Variants in EXTL3 observed in about 807,000 individuals in gnomAD.
The protein encoded by EXTL3 is exostosin-like 3.
In EXTL3, 27 loss-of-function variants were observed where a neutral mutation model predicts 69.3. The observed-to-expected ratio is 0.39, with a 90% CI of 0.29 to 0.54. EXTL3 has a LOEUF of 0.54. Ranked by LOEUF, EXTL3 falls within the 20% of genes least tolerant of loss-of-function variation. EXTL3 has a pLI of 0.69. For synonymous variants in EXTL3, 511 were observed against 499.4 expected (o/e 1.02, Z -0.31); for missense variants, 1,003 against 1,231.8 (o/e 0.81, Z 2.78).
chr8:28,691,660 G>A (rs1800618684), intron 1 of EXTL3, among the ~76,000 whole-genome samples: 1 of 150,710 alleles, frequency 6.6e-6, no homozygotes, highest in Admixed American at 6.6e-5. Context: ...CACTTTGGGA[G>A]GCTGAGGTGG....
At chr8:28,690,695 C>T (rs925772870) in intron 1 of EXTL3, among the ~76,000 whole-genome samples, 2 of 152,158 alleles carry the variant, frequency 1.3e-5, no homozygotes, top group Admixed American at 1.3e-4. Context: ...GCCTCAGTCC[C>T]TCACCTGGGC....
upstream of EXTL3, among the ~76,000 whole-genome samples, chr8:28,619,396 GTT>G (rs1806377023): frequency 6.9e-6 from 1 of 145,454 alleles, no homozygotes; most frequent in Non-Finnish European, 1.5e-5. Flanking sequence ...AAAGAAGGGT[GTT>G]TTCCTCCCGC....
chr8:28,731,459 TAGTC>T (rs1801536641), intron 4 of EXTL3, 109 bp downstream of exon 4: 3 of 1,156,252 alleles, frequency 2.6e-6, no homozygotes, highest in South Asian at 1.3e-5. Context: ...CCCTTGCAGA[TAGTC>T]AGGGCTGATG....
Position 28,717,701 on chromosome 8 carries a change from G to A in EXTL3, c.1642G>A (p.Glu548Lys). 8.7e-6 allele frequency: 14 copies of A among 1,614,260 alleles called. No individual in the cohort carries two copies. Among genetic ancestry groups the A allele is most frequent in the Non-Finnish European group, 1.2e-5 (14 of 1,180,048 alleles). ...GATCCCAGCCGCTCCCATCCGGGAA[G>A]AGGCGGCAGCTGAGATCCCCCACCG... ...IQIPAAPIREEAAAEIPHRSG... is the reference protein window; with the variant it reads ...IQIPAAPIREKAAAEIPHRSG... Residue 548 changes from glutamate to lysine, a missense_variant, in exon 3 of 7, where the codon GAG (glutamate) becomes AAG (lysine). By Grantham distance (56) the Glu-to-Lys change is moderately conservative. This residue lies in a region of EXTL3 where 742 missense variants were observed against 815.4 expected (regional missense o/e 0.91). Coordinates refer to ENST00000220562, the MANE Select transcript of EXTL3 (RefSeq NM_001440.4). The surrounding 1 kb of genome is among the most constrained non-coding windows in gnomAD (Gnocchi z 8.3).
intron 1 of EXTL3, among the ~76,000 whole-genome samples, chr8:28,667,044 C>A (rs1273379500): frequency 6.6e-6 from 1 of 152,208 alleles, no homozygotes; most frequent in Non-Finnish European, 1.5e-5. Flanking sequence ...AGTCTGTTGA[C>A]CCAGACACCA....
At chr8:28,704,320 A>T (rs2237816) in intron 1 of EXTL3, among the ~76,000 whole-genome samples, 1 of 152,240 alleles carries the variant, frequency 6.6e-6, no homozygotes, top group African/African-American at 2.4e-5. Flanking sequence ...CATCATATAC[A>T]TAATATATAA....
At chr8:28,658,203 TGGGG>T (rs11344325) in intron 1 of EXTL3, among the ~76,000 whole-genome samples, 2 of 151,702 alleles carry the variant, frequency 1.3e-5, no homozygotes, top group Non-Finnish European at 2.9e-5. Context: ...GGACGGTGGG[TGGGG>T]GGGGTCCCTC....
At chr8:28,747,352 G>A (rs1244323240) in intron 6 of EXTL3, among the ~76,000 whole-genome samples, 2 of 152,180 alleles carry the variant, frequency 1.3e-5, no homozygotes, top group Non-Finnish European at 2.9e-5. Flanking sequence ...GGGGACCTGT[G>A]GAGGTCATGA....
chr8:28,742,998 C>T lies in EXTL3; in HGVS notation c.2422-88C>T, dbSNP rs932278552. On this transcript the variant is annotated intron_variant, in intron 5 of 6. Transcript: ENST00000220562. ...CCTCCTAGTTACTGCCACACCCAAACAGCCCCTCCATCCATGCATATTTTG... is the reference window on the plus strand; with the variant it reads ...CCTCCTAGTTACTGCCACACCCAAATAGCCCCTCCATCCATGCATATTTTG... The T allele has an allele frequency of 3.4e-6, 5 of 1,467,196 alleles. No individual in the cohort carries two copies. The African/African-American group carries it at 5.5e-5, about 16-fold the overall frequency. The allele number at this position is 1,467,196 out of a possible 1,614,324, so 90.9% of individuals were successfully genotyped here.
intron 1 of EXTL3, among the ~76,000 whole-genome samples, chr8:28,710,823 C>G (rs1173850611): frequency 6.6e-6 from 1 of 151,826 alleles, no homozygotes; most frequent in Non-Finnish European, 1.5e-5. Flanking sequence ...AGGCATGAGC[C>G]GCAGCGCCTG....
chr8:28,645,277 T>C (rs1806810166), intron 1 of EXTL3, among the ~76,000 whole-genome samples: 1 of 152,250 alleles, frequency 6.6e-6, no homozygotes, highest in Non-Finnish European at 1.5e-5. Context: ...CCAGCAAGTC[T>C]ACTTCTGGAA....
At chr8:28,740,081 G>A (rs1302417385) in intron 5 of EXTL3, 1 of 152,118 alleles carries the variant, frequency 6.6e-6, no homozygotes, top group Non-Finnish European at 1.5e-5. Flanking sequence ...AGAGATTTTT[G>A]GGCCCTCTAG....
At chr8:28,755,805 T>C (rs961863947), downstream of EXTL3, among the ~76,000 whole-genome samples, 8 of 152,188 alleles carry the variant, frequency 5.3e-5, no homozygotes, top group African/African-American at 1.4e-4. Context: ...ATGTTAGCAT[T>C]GAAACTACTT....
chr8:28,654,187 G>A (rs1429946007), intron 1 of EXTL3, among the ~76,000 whole-genome samples: 1 of 152,178 alleles, frequency 6.6e-6, no homozygotes, highest in Non-Finnish European at 1.5e-5. Flanking sequence ...GTCTTATAAA[G>A]TTTAGCTAAA....
chr8:28,722,512 A>G (rs1017994375), intron 3 of EXTL3, among the ~76,000 whole-genome samples: 9 of 152,148 alleles, frequency 5.9e-5, no homozygotes, highest in African/African-American at 2.2e-4. Flanking sequence ...GCAGTGGCTC[A>G]CGCCTGTAAT....
chr8:28,711,244 A>G (rs1470164669), intron 1 of EXTL3, among the ~76,000 whole-genome samples: 1 of 151,968 alleles, frequency 6.6e-6, no homozygotes, highest in Non-Finnish European at 1.5e-5. Context: ...TCATTCTTGT[A>G]GGTTTTTCAA....
chr8:28,619,928 T>A (rs446357), upstream of EXTL3, among the ~76,000 whole-genome samples: 5,207 of 129,308 alleles, frequency 0.04, 288 homozygotes, highest in African/African-American at 0.13. Flanking sequence ...TGGAGTACAG[T>A]GGCGCGATCT....
chr8:28,743,363 G>A lies in EXTL3; in HGVS notation c.2550+149G>A. The A allele has an allele frequency of 3.1e-6, 3 of 960,222 alleles. No individual in the cohort carries two copies. In the South Asian group the frequency reaches 3.9e-5, roughly 12 times the overall value. 59.5% of individuals were successfully genotyped at this position (960,222 alleles called of 1,614,324 possible). A position where few individuals can be genotyped will look rare whatever the true frequency, so the allele number is the denominator to read the frequency against. On this transcript the variant is annotated intron_variant, in intron 6 of 6. Coordinates refer to ENST00000220562, the MANE Select transcript of EXTL3 (RefSeq NM_001440.4). ...CCTACCTCATCAAAGGATTGTCTGTGAGCTTAAATGAGTTGTTACTACAGG... is the reference window on the plus strand; with the variant it reads ...CCTACCTCATCAAAGGATTGTCTGTAAGCTTAAATGAGTTGTTACTACAGG...
chr8:28,647,632 G>A (rs1585230147), intron 1 of EXTL3, among the ~76,000 whole-genome samples: 2 of 152,080 alleles, frequency 1.3e-5, no homozygotes, highest in South Asian at 2.1e-4. Context: ...TGGGAGTCTC[G>A]CTTTCAGCCT....
Sources: allele counts gnomAD v4.1 joint callset (sites outside exome capture counted in the v4.1 genomes callset), GRCh38; gene constraint gnomAD v4.1.1; regional missense constraint gnomAD v4.1.1; non-coding constraint Gnocchi (gnomAD v3.1); transcripts MANE v1.5; gene names NCBI Gene and HGNC (gene_info 2026-07-23, HGNC 2026-07-21).